PI4K2B: variants seen among roughly 807,000 people sequenced by gnomAD.
PI4K2B encodes phosphatidylinositol 4-kinase type 2 beta.
In PI4K2B, 46 loss-of-function variants were observed where a neutral mutation model predicts 56.6. That is an observed-to-expected ratio of 0.81 (90% confidence interval 0.64 to 1.04). PI4K2B has a LOEUF of 1.04. Ranked by LOEUF, PI4K2B falls within the 50% of genes least tolerant of loss-of-function variation. The probability of loss-of-function intolerance (pLI) is 0.00; values close to 1 mark genes in which losing one functional copy is unlikely to be tolerated. For synonymous variants in PI4K2B, 211 were observed against 223.8 expected (o/e 0.94, Z 0.51); for missense variants, 556 against 607.7 (o/e 0.91, Z 0.89).
chr4:25,259,950 A>G (rs555108506), intron 5 of PI4K2B, among the ~76,000 whole-genome samples: 1 of 152,346 alleles, frequency 6.6e-6, no homozygotes, highest in East Asian at 1.9e-4. Flanking sequence ...TGGAACAGAA[A>G]TTGCAAGTGG....
chr4:25,234,965 C>T (rs1715187877), intron 1 of PI4K2B, among the ~76,000 whole-genome samples: 1 of 151,918 alleles, frequency 6.6e-6, no homozygotes, highest in Non-Finnish European at 1.5e-5. Flanking sequence ...TGTTCCTGCC[C>T]TCTTACAGTT....
chr4:25,268,487 T>A lies in PI4K2B; in HGVS notation c.1123T>A (p.Ser375Thr). ...GCTTCCTCAAGCAAAAGTTCCCTTT[T>A]CTGAAGAAATAAGAAATTTGATTCT... is the stretch of plus-strand genomic sequence containing the variant. ...AWLPQAKVPF[S>T]EEIRNLILPY... Residue 375 changes from serine (S) to threonine (T), a missense_variant, in exon 8 of 10, where the codon TCT (serine) becomes ACT (threonine). By Grantham distance (58) the Ser-to-Thr change is moderately conservative. Transcript: ENST00000264864. 6.2e-7 allele frequency: 1 copy of A among 1,603,938 alleles called. No homozygotes were observed. Among genetic ancestry groups the A allele is most frequent in the Non-Finnish European group, 8.5e-7 (1 of 1,174,436 alleles).
Position 25,278,443 on chromosome 4 carries a change from C to T in PI4K2B, c.*1256C>T, listed in dbSNP as rs531885730. On this transcript the variant is annotated 3_prime_UTR_variant, in exon 10 of 10. Coordinates refer to ENST00000264864, the MANE Select transcript of PI4K2B (RefSeq NM_018323.4). ...GCCTTTTGTTTTCTAAGCTTACTAT[C>T]TTGTGTTTGTTTATTTGCTTTTAAT... 1 of 152,270 alleles carries T rather than the reference C, an allele frequency of 6.6e-6. No individual in the cohort carries two copies. Among genetic ancestry groups the T allele is most frequent in the Non-Finnish European group, 1.5e-5 (1 of 68,020 alleles). 9.4% of individuals were successfully genotyped at this position (152,270 alleles called of 1,614,324 possible). A position where few individuals can be genotyped will look rare whatever the true frequency, so the allele number is the denominator to read the frequency against.
intron 1 of PI4K2B, chr4:25,250,488 A>G (rs948373061): frequency 1.3e-5 from 2 of 152,230 alleles, no homozygotes; most frequent in African/African-American, 4.8e-5. Context: ...ACAGTAACTA[A>G]TGGGTACTAG....
rs545860346 is a variant in PI4K2B at position 25,246,929 on chromosome 4, A to G, written c.269-5392A>G. On this transcript the variant is annotated intron_variant, in intron 1 of 9. Transcript: ENST00000264864. Reference sequence around the variant, plus strand: ...TCCCAGTGTGGGGCCTGCCCAGCCCATGCCCACCTGGAACTTGCGCTGGCC... The same window carrying G: ...TCCCAGTGTGGGGCCTGCCCAGCCCGTGCCCACCTGGAACTTGCGCTGGCC... Among the ~76,000 whole-genome samples the G allele has an allele frequency of 4.8e-3, 734 of 152,284 alleles. 2 individuals carry two copies. The highest frequency in any genetic ancestry group is 0.016 in the African/African-American group (679 of 41,580).
chr4:25,275,383 G>C (rs1217522441), intron 9 of PI4K2B, among the ~76,000 whole-genome samples: 1 of 152,088 alleles, frequency 6.6e-6, no homozygotes, highest in African/African-American at 2.4e-5. Context: ...TTAAGGGAAG[G>C]CTGGGTGTGG....
intron 2 of PI4K2B, among the ~76,000 whole-genome samples, chr4:25,253,996 C>T (rs1341960622): frequency 6.6e-6 from 1 of 152,124 alleles, no homozygotes; most frequent in African/African-American, 2.4e-5. Flanking sequence ...GGTCTCCTGA[C>T]CTCAAGTGAT....
rs773004353 is a variant in PI4K2B, at chr4:25,249,501, C to T, written c.269-2820C>T. ...CGGGGGCTGCCCCCCGCCTCCCGGACGGGGTGGCTGCCGGGCGGAGGGGCT... is the reference window on the plus strand; with the variant it reads ...CGGGGGCTGCCCCCCGCCTCCCGGATGGGGTGGCTGCCGGGCGGAGGGGCT... On this transcript the variant is annotated intron_variant, in intron 1 of 9. Coordinates refer to ENST00000264864, the MANE Select transcript of PI4K2B (RefSeq NM_018323.4). Among the ~76,000 whole-genome samples the T allele has an allele frequency of 5.2e-3, 276 of 53,518 alleles. 3 individuals carry two copies. The highest frequency in any genetic ancestry group is 8.3e-3 in the African/African-American group (160 of 19,336). 35.1% of individuals were successfully genotyped at this position (53,518 alleles called of 152,430 possible).
chr4:25,243,518 C>A (rs1715625957), intron 1 of PI4K2B, among the ~76,000 whole-genome samples: 1 of 152,184 alleles, frequency 6.6e-6, no homozygotes, highest in Non-Finnish European at 1.5e-5. Flanking sequence ...TGGGCCCGTT[C>A]CTTTTGGTCC....
At chr4:25,268,380 A>G in intron 7 of PI4K2B, 63 bp from the exon 8 acceptor site, 5 of 1,390,184 alleles carry the variant, frequency 3.6e-6, no homozygotes, top group Non-Finnish European at 5.0e-6. Flanking sequence ...AAGAACCGGG[A>G]AAAATGTAAG....
chr4:25,269,232 G>C (rs1560379645), intron 9 of PI4K2B, 29 bp downstream of exon 9: 2 of 1,244,090 alleles, frequency 1.6e-6, no homozygotes, highest in Admixed American at 3.7e-5. Context: ...TGTTCATAAG[G>C]AAAAAAATCT....
chr4:25,257,021 T>TCCAGAACTTAC (rs1456541750), intron 4 of PI4K2B, among the ~76,000 whole-genome samples: 4 of 148,636 alleles, frequency 2.7e-5, no homozygotes, highest in African/African-American at 9.8e-5. Context: ...TAGGTCTGAT[T>TCCAGAACTTAC]CCAGAACTTA....
At chr4:25,254,327 T>C in intron 2 of PI4K2B, 5 of 652,148 alleles carry the variant, frequency 7.7e-6, no homozygotes, top group African/African-American at 2.0e-5. Flanking sequence ...AGCAAACATG[T>C]AATGTGGATA....
At chr4:25,264,883 A>T (rs1437548359) in intron 7 of PI4K2B, among the ~76,000 whole-genome samples, 1 of 151,460 alleles carries the variant, frequency 6.6e-6, no homozygotes, top group East Asian at 2.0e-4. Flanking sequence ...CAAAAATAAA[A>T]TAAAAAATAT....
chr4:25,256,896 G>C (rs896842357), intron 4 of PI4K2B, among the ~76,000 whole-genome samples: 7 of 151,420 alleles, frequency 4.6e-5, no homozygotes, highest in African/African-American at 1.2e-4. Context: ...ACCCAGTTTA[G>C]AGGGATGGGA....
chr4:25,251,318 G>T (rs1382811437), intron 1 of PI4K2B, among the ~76,000 whole-genome samples: 1 of 152,116 alleles, frequency 6.6e-6, no homozygotes, highest in Non-Finnish European at 1.5e-5. Context: ...GGAAGAGGAG[G>T]TGTTGGGAAT....
intron 7 of PI4K2B, 23 bp downstream of exon 7, chr4:25,263,872 A>T: frequency 9.8e-7 from 1 of 1,022,898 alleles, no homozygotes; most frequent in Non-Finnish European, 1.5e-6. Context: ...AACCTTCTGT[A>T]GAGTCTATAA....
rs577025831 is a variant in PI4K2B at position 25,258,296 on chromosome 4, C to T, written c.757-741C>T. 2.5e-4 allele frequency among the ~76,000 whole-genome samples: 36 copies of T among 145,178 alleles called. 1 individual carries two copies. Among genetic ancestry groups the T allele is most frequent in the Admixed American group, 2.2e-3 (31 of 13,948 alleles). ...AATCTTGGCTCACTGTAACCTCTGC[C>T]TCCCGAGTTCAAGCGATTCTCCTGC... is the stretch of plus-strand genomic sequence containing the variant. On this transcript the variant is annotated intron_variant, in intron 4 of 9. Coordinates refer to ENST00000264864, the MANE Select transcript of PI4K2B (RefSeq NM_018323.4).
intron 5 of PI4K2B, among the ~76,000 whole-genome samples, chr4:25,259,743 G>A (rs1325993197): frequency 6.6e-6 from 1 of 151,910 alleles, no homozygotes; most frequent in Non-Finnish European, 1.5e-5. Context: ...AATGTTTCAA[G>A]AAAGTTTACA....
Sources: gnomAD v4.1 joint callset for allele counts (sites outside exome capture counted in the v4.1 genomes callset) on GRCh38, gnomAD v4.1.1 for gene constraint, MANE v1.5 for transcripts, NCBI Gene and HGNC (gene_info 2026-07-23, HGNC 2026-07-21) for gene names.